Variants in ERLN observed in about 807,000 individuals in gnomAD.
The protein encoded by ERLN is small integral membrane protein 6.
At chr17:75,646,341 CCAGA>C in the ERLN span, 1 of 152,330 alleles carries the variant, frequency 6.6e-6, no homozygotes, top group Non-Finnish European at 1.5e-5. Context: ...CACACGTCAC[CCAGA>C]CAGAGGACAG....
chr17:75,646,476 A>T, the ERLN span: 1 of 152,306 alleles, frequency 6.6e-6, no homozygotes, highest in Non-Finnish European at 1.5e-5. Flanking sequence ...ACGTGCCCTG[A>T]GCACCCCCAA....
At chr17:75,647,405 T>C in the ERLN span, 2 of 1,549,720 alleles carry the variant, frequency 1.3e-6, no homozygotes, top group Non-Finnish European at 1.7e-6. Context: ...AAAGAGACAA[T>C]CTGGAATGAT....
chr17:75,647,175 C>T, the ERLN span, among the ~76,000 whole-genome samples: 3 of 152,172 alleles, frequency 2.0e-5, no homozygotes, highest in African/African-American at 4.8e-5. Context: ...GTATCTAGAG[C>T]GGGGGAAATG....
the ERLN span, chr17:75,647,261 G>A: frequency 1.1e-6 from 1 of 908,492 alleles, no homozygotes; most frequent in Non-Finnish European, 1.6e-6. Flanking sequence ...AGGCGGGCCG[G>A]CTGCTCACAG....
chr17:75,647,018 T>C, the ERLN span, among the ~76,000 whole-genome samples: 4 of 152,230 alleles, frequency 2.6e-5, no homozygotes, highest in East Asian at 1.9e-4. Flanking sequence ...TCTATCATGA[T>C]GCTTTTTAGA....
chr17:75,647,351 C>A, the ERLN span: 1 of 1,533,410 alleles, frequency 6.5e-7, no homozygotes, highest in South Asian at 1.2e-5. Context: ...GCACTCAGGT[C>A]CTCTGTCCCT....
chr17:75,647,567 C>G, the ERLN span: 1 of 1,549,862 alleles, frequency 6.5e-7, no homozygotes, highest in African/African-American at 1.4e-5. Context: ...GAGGAGTGAC[C>G]TGACTTGCTG....
chr17:75,647,602 G>C, the ERLN span: 1 of 1,543,794 alleles, frequency 6.5e-7, no homozygotes, highest in South Asian at 1.2e-5. Flanking sequence ...AGCAGGGGAG[G>C]CGAGCTGACC....
the ERLN span, chr17:75,647,832 G>A: frequency 7.5e-6 from 3 of 397,578 alleles, no homozygotes; most frequent in South Asian, 1.5e-4. Context: ...AGCACATGGA[G>A]AGGATGGCTC....
At chr17:75,647,315 T>C in the ERLN span, 1 of 1,453,676 alleles carries the variant, frequency 6.9e-7, no homozygotes, top group Non-Finnish European at 9.3e-7. Flanking sequence ...GCATAGCACC[T>C]GGGACAGGGC....
chr17:75,647,595 A>C, the ERLN span: 2 of 1,546,694 alleles, frequency 1.3e-6, no homozygotes, highest in East Asian at 2.4e-5. Context: ...AGATGGCAGC[A>C]GGGGAGGCGA....
At chr17:75,646,468 G>A in the ERLN span, 1 of 152,280 alleles carries the variant, frequency 6.6e-6, no homozygotes, top group Non-Finnish European at 1.5e-5. Flanking sequence ...TCATGAACAC[G>A]TGCCCTGAGC....
the ERLN span, chr17:75,647,837 TG>T: frequency 5.4e-6 from 2 of 373,150 alleles, no homozygotes; most frequent in African/African-American, 4.2e-5. Context: ...ATGGAGAGGA[TG>T]GCTCCACTGC....
At chr17:75,647,301 C>A in the ERLN span, 1 of 1,352,416 alleles carries the variant, frequency 7.4e-7, no homozygotes, top group Non-Finnish European at 1.0e-6. Flanking sequence ...AGTCGGCGGG[C>A]AGAGCATAGC....
the ERLN span, chr17:75,647,550 G>A: frequency 9.6e-5 from 149 of 1,550,028 alleles, no homozygotes; most frequent in Middle Eastern, 1.1e-3. Flanking sequence ...AGTGTGAAGC[G>A]GGTGAAGAGG....
chr17:75,647,538 TCA>T, the ERLN span: 1 of 1,550,266 alleles, frequency 6.5e-7, no homozygotes, highest in Non-Finnish European at 8.7e-7. Flanking sequence ...CAGAAAACAC[TCA>T]GTGTGAAGCG....
chr17:75,647,563 T>C, the ERLN span: 4 of 1,549,662 alleles, frequency 2.6e-6, no homozygotes, highest in African/African-American at 4.1e-5. Flanking sequence ...TGAAGAGGAG[T>C]GACCTGACTT....
chr17:75,647,106 C>A, the ERLN span, among the ~76,000 whole-genome samples: 1 of 152,256 alleles, frequency 6.6e-6, no homozygotes, highest in Non-Finnish European at 1.5e-5. Context: ...ACTGGAGAAT[C>A]CAGGGGCATC....
chr17:75,647,320 C>A, the ERLN span: 1 of 1,465,518 alleles, frequency 6.8e-7, no homozygotes, highest in East Asian at 2.5e-5. Context: ...GCACCTGGGA[C>A]AGGGCCTGGG....
Sources: gnomAD v4.1 joint callset for allele counts (sites outside exome capture counted in the v4.1 genomes callset) on GRCh38, gnomAD v4.1.1 for gene constraint, MANE v1.5 for transcripts, NCBI Gene and HGNC (gene_info 2026-07-23, HGNC 2026-07-21) for gene names.